Variants in SLC9A4 observed in about 807,000 individuals in gnomAD.
SLC9A4 encodes sodium/hydrogen exchanger 4.
Under a neutral mutation model 67.4 loss-of-function variants are expected in SLC9A4, and 63 were observed. The observed-to-expected ratio is 0.93, with a 90% CI of 0.76 to 1.15. SLC9A4 has a LOEUF of 1.15. SLC9A4 is among the 50% of genes most tolerant of loss of function. The probability of loss-of-function intolerance (pLI) is 0.00; values close to 1 mark genes in which losing one functional copy is unlikely to be tolerated. For synonymous variants in SLC9A4, 393 were observed against 367.2 expected (o/e 1.07, Z -0.80); for missense variants, 1,089 against 987.7 (o/e 1.10, Z -1.38).
chr2:102,502,198 A>G (rs756737064), intron 2 of SLC9A4, among the ~76,000 whole-genome samples: 5 of 152,144 alleles, frequency 3.3e-5, no homozygotes, highest in Admixed American at 6.5e-5. Flanking sequence ...TCTATGTCTC[A>G]TTACCTGTAC....
At chr2:102,477,567 T>C (rs1684360389) in intron 1 of SLC9A4, among the ~76,000 whole-genome samples, 1 of 152,150 alleles carries the variant, frequency 6.6e-6, no homozygotes. Flanking sequence ...GCACAAAACA[T>C]AGTAGACAGG....
intron 6 of SLC9A4, among the ~76,000 whole-genome samples, chr2:102,511,267 C>G (rs1450102946): frequency 6.6e-6 from 1 of 152,026 alleles, no homozygotes; most frequent in Non-Finnish European, 1.5e-5. Flanking sequence ...TTTTCAAGGC[C>G]ATTTGAAAAT....
At chr2:102,532,213 G>T in intron 11 of SLC9A4, 117 bp from the exon 12 acceptor site, 1 of 1,163,274 alleles carries the variant, frequency 8.6e-7, no homozygotes, top group African/African-American at 1.5e-5. Context: ...GTTGAGTGTA[G>T]AGCTGAAACC....
chr2:102,494,952 A>G (rs537571627), intron 2 of SLC9A4, among the ~76,000 whole-genome samples: 3 of 152,096 alleles, frequency 2.0e-5, no homozygotes, highest in Non-Finnish European at 4.4e-5. Context: ...TTAGCAAGGC[A>G]TGGAGAATCT....
chr2:102,514,887 A>G (rs1218919880), intron 8 of SLC9A4, among the ~76,000 whole-genome samples: 1 of 152,136 alleles, frequency 6.6e-6, no homozygotes, highest in Non-Finnish European at 1.5e-5. Context: ...GGACATAGGG[A>G]GGGGTGATAC....
At chr2:102,493,890 C>G (rs1025547390) in intron 2 of SLC9A4, among the ~76,000 whole-genome samples, 2 of 151,848 alleles carry the variant, frequency 1.3e-5, no homozygotes, top group Non-Finnish European at 2.9e-5. Context: ...TCACCTCAGA[C>G]TACTTCCCAG....
chr2:102,479,554 C>G (rs907461651), intron 2 of SLC9A4, among the ~76,000 whole-genome samples: 4 of 152,178 alleles, frequency 2.6e-5, no homozygotes, highest in African/African-American at 9.7e-5. Context: ...GGAGAGAGAA[C>G]GTATCATTCT....
intron 8 of SLC9A4, among the ~76,000 whole-genome samples, chr2:102,517,599 A>T (rs1043792811): frequency 2.0e-5 from 3 of 152,216 alleles, no homozygotes; most frequent in African/African-American, 7.2e-5. Context: ...GAAGAGAATG[A>T]TTTGAATGTT....
chr2:102,510,813 A>T (rs1480970278), intron 6 of SLC9A4, among the ~76,000 whole-genome samples: 6 of 152,208 alleles, frequency 3.9e-5, no homozygotes, highest in African/African-American at 7.2e-5. Flanking sequence ...AAAACATCCC[A>T]GTCAGGCAAA....
At chr2:102,476,974 A>T (rs1422373500) in intron 1 of SLC9A4, among the ~76,000 whole-genome samples, 2 of 152,170 alleles carry the variant, frequency 1.3e-5, no homozygotes, top group Non-Finnish European at 2.9e-5. Flanking sequence ...CTTGGTGATA[A>T]TTATACCCTG....
At chr2:102,492,226 G>A (rs1161791483) in intron 2 of SLC9A4, among the ~76,000 whole-genome samples, 1 of 152,204 alleles carries the variant, frequency 6.6e-6, no homozygotes, top group African/African-American at 2.4e-5. Context: ...GGGGTCTGGA[G>A]GCCTGTGGCC....
chr2:102,519,707 A>G, intron 8 of SLC9A4, 152 bp from the exon 9 acceptor site: 1 of 574,202 alleles, frequency 1.7e-6, no homozygotes, highest in Non-Finnish European at 2.9e-6. Context: ...TTTTGACATC[A>G]AACCAACTTA....
chr2:102,529,429 T>C (rs1674733275), intron 11 of SLC9A4, among the ~76,000 whole-genome samples: 1 of 152,228 alleles, frequency 6.6e-6, no homozygotes, highest in Admixed American at 6.5e-5. Context: ...TAAATACTTG[T>C]TCTTATTTGT....
Position 102,508,210 on chromosome 2 carries a change from T to A in SLC9A4, c.1330T>A (p.Ser444Thr). ...SFSLAFLLPL[S>T]LFPRKKMFVT... is the part of the protein sequence containing the mutation. ...TTCACTTGCATTTTTGCTTCCTCTG[T>A]CTCTTTTTCCTAGGAAGAAAATGTT... The change falls in exon 5 of 12, where the codon TCT (serine) becomes ACT (threonine). Residue 444 changes from serine (S) to threonine (T), a missense_variant. Ser to Thr is a moderately conservative substitution (Grantham distance 58). Coordinates refer to ENST00000295269, the MANE Select transcript of SLC9A4 (RefSeq NM_001011552.4). 6.2e-7 allele frequency: 1 copy of A among 1,614,222 alleles called. No homozygotes were observed. The highest frequency in any genetic ancestry group is 8.5e-7 in the Non-Finnish European group (1 of 1,180,042).
intron 3 of SLC9A4, 71 bp from the exon 4 acceptor site, chr2:102,505,183 C>A: frequency 7.1e-7 from 1 of 1,417,204 alleles, no homozygotes; most frequent in Non-Finnish European, 9.7e-7. Flanking sequence ...TGTGGCATTG[C>A]CTGTGGGGAG....
In SLC9A4 at chr2:102,533,708, T is replaced by C. The variant is rs1258898681; in HGVS notation, c.*1020T>C. The C allele has an allele frequency of 2.8e-5, 4 of 142,588 alleles. No individual in the cohort carries two copies. Among genetic ancestry groups the C allele is most frequent in the Admixed American group, 1.5e-4 (2 of 13,562 alleles). 8.8% of individuals were successfully genotyped at this position (142,588 alleles called of 1,614,324 possible). ...CCTTCCTGTGTCCATGTGATCTCAT[T>C]GTTCAATTCCCACCTATGAGTGAGA... On this transcript the variant is annotated 3_prime_UTR_variant, in exon 12 of 12. Coordinates refer to ENST00000295269, the MANE Select transcript of SLC9A4 (RefSeq NM_001011552.4).
chr2:102,479,861 T>A (rs1383699843), intron 2 of SLC9A4, among the ~76,000 whole-genome samples: 1 of 152,196 alleles, frequency 6.6e-6, no homozygotes, highest in Non-Finnish European at 1.5e-5. Context: ...TTTTTGCTTA[T>A]GAGCCTTTCT....
At chr2:102,502,564 G>T (rs745369129) in intron 2 of SLC9A4, among the ~76,000 whole-genome samples, 4 of 152,214 alleles carry the variant, frequency 2.6e-5, no homozygotes. Flanking sequence ...GGAAGGACAC[G>T]CTTGGGAGGG....
rs752491917 is a variant in SLC9A4 at position 102,503,687 on chromosome 2, C to T, written c.960C>T (p.Leu320=). ...TGTCTTACTTAGCTGCTGAAACCCT[C>T]TATCTCTCCGGCATCCTGGCGTGAG... The part of the protein sequence containing the change: ...SYLSYLAAET[L]YLSGILAITA... Residue 320 remains leucine (L), a synonymous_variant, in exon 3 of 12, where the codon CTC becomes CTT. Coordinates refer to ENST00000295269, the MANE Select transcript of SLC9A4 (RefSeq NM_001011552.4). The T allele has an allele frequency of 5.0e-6, 8 of 1,614,208 alleles. No homozygotes were observed. The highest frequency in any genetic ancestry group is 6.8e-6 in the Non-Finnish European group (8 of 1,180,030).
Sources: gnomAD v4.1 joint callset for allele counts (sites outside exome capture counted in the v4.1 genomes callset) on GRCh38, gnomAD v4.1.1 for gene constraint, MANE v1.5 for transcripts, NCBI Gene and HGNC (gene_info 2026-07-23, HGNC 2026-07-21) for gene names.